PVT1: variants seen among roughly 807,000 people sequenced by gnomAD.
The protein encoded by PVT1 is CXCR4/PVT1 fusion.
intron 5 of PVT1, among the ~76,000 whole-genome samples, chr8:128,081,969 C>T (rs557422834): frequency 6.6e-5 from 10 of 152,166 alleles, no homozygotes; most frequent in African/African-American, 2.2e-4. Flanking sequence ...ATTGAACACC[C>T]CCCCTCACTT....
intron 4 of PVT1, among the ~76,000 whole-genome samples, chr8:128,027,447 C>T (rs1220504290): frequency 6.6e-6 from 1 of 152,212 alleles, no homozygotes; most frequent in African/African-American, 2.4e-5. Flanking sequence ...TTACCCACTC[C>T]TACCCATGCA....
Position 128,084,439 on chromosome 8 carries a change from TCCCTCTAAAAGAGTTTCCC to T in PVT1, n.1115-12076_1115-12058del, listed in dbSNP as rs543203643. On this transcript the variant is annotated intron_variant and non_coding_transcript_variant, in intron 5 of 10. Transcript: ENST00000651587. ...TCTCAGAGAGGCCTTTTCTGACCAC[TCCCTCTAAAAGAGTTTCCC>T]CCGCCCCTCATTTCCCATCATTATC... is the stretch of plus-strand genomic sequence containing the variant. 3.3e-5 allele frequency among the ~76,000 whole-genome samples: 5 copies of T among 152,296 alleles called. No homozygotes were observed. The East Asian group carries it at 9.6e-4, about 29-fold the overall frequency.
At chr8:127,888,200 A>G (rs1815550945) in intron 2 of PVT1, among the ~76,000 whole-genome samples, 1 of 152,104 alleles carries the variant, frequency 6.6e-6, no homozygotes, top group Admixed American at 6.5e-5. Flanking sequence ...TCGGCCTCCC[A>G]AAGTGCTGGG....
At chr8:127,815,802 G>A (rs1814653265) in intron 2 of PVT1, among the ~76,000 whole-genome samples, 1 of 152,168 alleles carries the variant, frequency 6.6e-6, no homozygotes, top group Non-Finnish European at 1.5e-5. Flanking sequence ...TCAACCTGAA[G>A]ACCATTATAC....
chr8:127,923,434 G>A (rs1305372031), intron 3 of PVT1, among the ~76,000 whole-genome samples: 1 of 152,240 alleles, frequency 6.6e-6, no homozygotes, highest in African/African-American at 2.4e-5. Context: ...GGGGCCTGGT[G>A]TGGGACATGC....
Position 127,812,248 on chromosome 8 carries a change from C to CAGGAAGGAAGGAAGGA in PVT1, n.372+16184_372+16185insAAGGAAGGAAGGAAGG, listed in dbSNP as rs1563611720. On this transcript the variant is annotated intron_variant and non_coding_transcript_variant, in intron 2 of 10. Coordinates refer to ENST00000651587, the Ensembl canonical transcript of PVT1. ...GCAGGAAGGCAGGAAGGAAGGAAGG[C>CAGGAAGGAAGGAAGGA]AGGAAGGCAGGAAGGCAGGAAGGAA... Among the ~76,000 whole-genome samples the CAGGAAGGAAGGAAGGA allele has an allele frequency of 1.1e-4, 12 of 112,102 alleles. No homozygotes were observed. The South Asian group carries it at 2.3e-3, about 22-fold the overall frequency. 73.5% of individuals were successfully genotyped at this position (112,102 alleles called of 152,430 possible). A position where few individuals can be genotyped will look rare whatever the true frequency, so the allele number is the denominator to read the frequency against.
chr8:128,038,003 A>G (rs528720075), intron 4 of PVT1, among the ~76,000 whole-genome samples: 15 of 152,324 alleles, frequency 9.8e-5, no homozygotes, highest in African/African-American at 2.9e-4. Flanking sequence ...ATCTAAAAAT[A>G]TCTGCCAGTG....
At chr8:127,947,555 C>T in intron 3 of PVT1, 1 of 367,426 alleles carries the variant, frequency 2.7e-6, no homozygotes, top group Non-Finnish European at 5.3e-6. Context: ...TCTCCCCTCC[C>T]AGGTGGGCAT....
chr8:128,036,552 G>T (rs1056687900), intron 4 of PVT1, among the ~76,000 whole-genome samples: 3 of 152,158 alleles, frequency 2.0e-5, no homozygotes, highest in South Asian at 2.1e-4. Flanking sequence ...CAGCGCTTCT[G>T]GGGGGCTGGG....
At chr8:127,904,312 G>A (rs1467602344) in intron 3 of PVT1, among the ~76,000 whole-genome samples, 2 of 152,190 alleles carry the variant, frequency 1.3e-5, no homozygotes, top group African/African-American at 4.8e-5. Context: ...GGGTACTAAG[G>A]ATTTAAGGAT....
chr8:127,799,575 G>A (rs1463513974), intron 2 of PVT1, among the ~76,000 whole-genome samples: 1 of 152,130 alleles, frequency 6.6e-6, no homozygotes, highest in Non-Finnish European at 1.5e-5. Flanking sequence ...ACAGACAGTA[G>A]CAGGAGGCAG....
chr8:127,950,406 G>A (rs111775139), intron 3 of PVT1, among the ~76,000 whole-genome samples: 1 of 152,322 alleles, frequency 6.6e-6, no homozygotes, highest in African/African-American at 2.4e-5. Context: ...TGTGCCATGT[G>A]GGGAGATGCG....
At chr8:127,890,401 G>A (rs542600433) in intron 2 of PVT1, among the ~76,000 whole-genome samples, 1 of 152,348 alleles carries the variant, frequency 6.6e-6, no homozygotes, top group East Asian at 1.9e-4. Context: ...TCGTACCGCA[G>A]GAGAGGCAGC....
At chr8:127,840,336 C>T (rs573415573) in intron 2 of PVT1, among the ~76,000 whole-genome samples, 113 of 152,274 alleles carry the variant, frequency 7.4e-4, no homozygotes, top group Middle Eastern at 6.8e-3. Context: ...TCAGAGGAGA[C>T]GTCTGCCCAG....
intron 3 of PVT1, among the ~76,000 whole-genome samples, chr8:127,942,564 C>A (rs1237524673): frequency 6.6e-6 from 1 of 152,208 alleles, no homozygotes; most frequent in Non-Finnish European, 1.5e-5. Context: ...GCTGCTGAAA[C>A]TGAGGCCCAG....
intron 2 of PVT1, among the ~76,000 whole-genome samples, chr8:127,849,410 A>G (rs139575267): frequency 1.3e-5 from 2 of 152,276 alleles, no homozygotes; most frequent in East Asian, 3.9e-4. Context: ...AGCTTGGCCC[A>G]GCTTTCGAAA....
intron 3 of PVT1, among the ~76,000 whole-genome samples, chr8:127,915,797 G>C (rs1293387866): frequency 6.6e-6 from 1 of 152,184 alleles, no homozygotes; most frequent in Non-Finnish European, 1.5e-5. Context: ...TGCTGCTTTT[G>C]ATCACTTTTC....
chr8:127,910,877 C>CTG lies in PVT1; in HGVS notation n.782+19893_782+19894dup, dbSNP rs138999481. On this transcript the variant is annotated intron_variant and non_coding_transcript_variant, in intron 3 of 10. Coordinates refer to ENST00000651587, the Ensembl canonical transcript of PVT1. ...TGCTATTAACCATTATATCAGTCTG[C>CTG]TGTGTGTGTGTGTGTTTGTGTGTGT... Among the ~76,000 whole-genome samples the CTG allele has an allele frequency of 6.0e-3, 855 of 143,618 alleles. 14 individuals are homozygous for CTG. The highest frequency in any genetic ancestry group is 0.023 in the African/African-American group (813 of 36,112). 94.2% of individuals were successfully genotyped at this position (143,618 alleles called of 152,430 possible). A position where few individuals can be genotyped will look rare whatever the true frequency, so the allele number is the denominator to read the frequency against.
intron 2 of PVT1, among the ~76,000 whole-genome samples, chr8:127,830,432 T>C (rs756562143): frequency 1.2e-4 from 18 of 149,880 alleles, no homozygotes; most frequent in Non-Finnish European, 2.2e-4. Flanking sequence ...GGAAACCATA[T>C]TGCTTTATTT....
Sources: gnomAD v4.1 joint callset for allele counts (sites outside exome capture counted in the v4.1 genomes callset) on GRCh38, gnomAD v4.1.1 for gene constraint, MANE v1.5 for transcripts, NCBI Gene and HGNC (gene_info 2026-07-23, HGNC 2026-07-21) for gene names.